Variants in TESK2 observed in about 807,000 individuals in gnomAD.
TESK2 encodes dual specificity testis-specific protein kinase 2.
Under a neutral mutation model 57.1 loss-of-function variants are expected in TESK2, and 39 were observed. The observed-to-expected ratio is 0.68, with a 90% CI of 0.53 to 0.89. The LOEUF (loss-of-function observed/expected upper bound fraction) is 0.89. TESK2 is among the 40% of genes least tolerant of loss of function. TESK2 has a pLI of 0.00. For synonymous variants in TESK2, 249 were observed against 267.9 expected, an observed-to-expected ratio of 0.93 and a Z score of 0.69; for missense variants, 646 against 732.1, an observed-to-expected ratio of 0.88 and a Z score of 1.36.
At chr1:45,472,881 T>C (rs1371525180) in intron 1 of TESK2, among the ~76,000 whole-genome samples, 1 of 150,670 alleles carries the variant, frequency 6.6e-6, no homozygotes, top group Non-Finnish European at 1.5e-5. Flanking sequence ...CTTACGCCTG[T>C]AATCCCAGCA....
chr1:45,398,728 T>C (rs977452284), intron 3 of TESK2: 2 of 235,404 alleles, frequency 8.5e-6, no homozygotes, highest in African/African-American at 4.5e-5. Flanking sequence ...CCTTTCCTCC[T>C]GAAGTAGATT....
rs755493467 is a variant in TESK2, at chr1:45,457,521, G to A, written c.222+43C>T. The stretch of plus-strand genomic sequence containing the variant: ...ACAACTATCAACCTGCAGTAAATGT[G>A]ACCACAGCAAGACAATATGAGAAAA... On this transcript the variant is annotated intron_variant, in intron 2 of 10. Coordinates refer to ENST00000372086, the MANE Select transcript of TESK2 (RefSeq NM_007170.3). 6 of 1,570,460 alleles carry A rather than the reference G, an allele frequency of 3.8e-6. No homozygotes were observed. The African/African-American group carries it at 5.4e-5, about 14-fold the overall frequency.
rs1653175375 is a variant in TESK2, at chr1:45,480,548, T to A, written c.-87+10304A>T. 1.3e-5 allele frequency among the ~76,000 whole-genome samples: 2 copies of A among 151,900 alleles called. 1 individual carries two copies. Among genetic ancestry groups the A allele is most frequent in the South Asian group, 4.2e-4 (2 of 4,818 alleles). On this transcript the variant is annotated intron_variant, in intron 1 of 10. Transcript: ENST00000372086. Reference sequence around the variant, plus strand: ...TAAAATGACACATTCAAAGGCCCTTTTTACAGCATTGTTTATAATATCAAA... The same window carrying A: ...TAAAATGACACATTCAAAGGCCCTTATTACAGCATTGTTTATAATATCAAA...
intron 1 of TESK2, among the ~76,000 whole-genome samples, chr1:45,476,274 G>A (rs571532939): frequency 2.0e-5 from 3 of 150,600 alleles, no homozygotes; most frequent in East Asian, 2.0e-4. Flanking sequence ...TGGGAGGCCC[G>A]AGGCAGGTGG....
At chr1:45,485,746 C>T (rs1019121672) in intron 1 of TESK2, among the ~76,000 whole-genome samples, 2 of 151,034 alleles carry the variant, frequency 1.3e-5, no homozygotes, top group Non-Finnish European at 2.9e-5. Context: ...GTCTCGAACT[C>T]CTGACCTCAA....
intron 4 of TESK2, among the ~76,000 whole-genome samples, chr1:45,382,839 G>C (rs1648718432): frequency 6.6e-6 from 1 of 152,086 alleles, no homozygotes; most frequent in African/African-American, 2.4e-5. Flanking sequence ...TTGCACTCCA[G>C]CCTGGGCAAC....
intron 3 of TESK2, among the ~76,000 whole-genome samples, chr1:45,402,191 AC>A (rs1342520756): frequency 6.6e-6 from 1 of 151,658 alleles, no homozygotes; most frequent in Non-Finnish European, 1.5e-5. Context: ...GGAGTTCAGG[AC>A]CAGTCTGGGC....
chr1:45,368,258 G>A (rs1648026047), intron 4 of TESK2, among the ~76,000 whole-genome samples: 1 of 151,762 alleles, frequency 6.6e-6, no homozygotes, highest in Admixed American at 6.6e-5. Flanking sequence ...GCCTCCCGAA[G>A]TGCTGGGATT....
At chr1:45,427,390 C>A (rs1221845670) in intron 2 of TESK2, among the ~76,000 whole-genome samples, 1 of 152,250 alleles carries the variant, frequency 6.6e-6, no homozygotes, top group Middle Eastern at 3.4e-3. Context: ...ACCATATGAT[C>A]CAGCAATCCC....
In TESK2 at chr1:45,354,976, GAGTTCAAGACCAGC is replaced by G. The variant is rs1647360737; in HGVS notation, c.540+313_540+326del. Among the ~76,000 whole-genome samples the G allele has an allele frequency of 2.6e-5, 4 of 151,514 alleles. No homozygotes were observed. The South Asian group carries it at 8.3e-4, about 32-fold the overall frequency. ...AGGCGGGTGGATTGTTTGCAGCCAG[GAGTTCAAGACCAGC>G]CTGGCCAATATGGCAAAATTCTGCC... On this transcript the variant is annotated intron_variant, in intron 5 of 10. Coordinates refer to ENST00000372086, the MANE Select transcript of TESK2 (RefSeq NM_007170.3).
chr1:45,456,099 G>C (rs530559441), intron 2 of TESK2, among the ~76,000 whole-genome samples: 4 of 151,992 alleles, frequency 2.6e-5, no homozygotes, highest in African/African-American at 9.6e-5. Flanking sequence ...AGGCTGAGGT[G>C]GGGGGATCAT....
At position 45,399,000 on chromosome 1, in the gene TESK2, A is replaced by C. The variant is rs762966118; in HGVS notation, c.345-13040T>G. ...TAGGACCTGAAAAAAAAAAAAAAAA[A>C]AAAAAAACAAGCCTTTAAGCCACTA... On this transcript the variant is annotated intron_variant, in intron 3 of 10. Coordinates refer to ENST00000372086, the MANE Select transcript of TESK2 (RefSeq NM_007170.3). The C allele has an allele frequency of 7.0e-4, 304 of 435,142 alleles. 2 individuals carry two copies. In the Middle Eastern group the frequency reaches 9.1e-3, roughly 13 times the overall value. 27.0% of individuals were successfully genotyped at this position (435,142 alleles called of 1,614,324 possible).
chr1:45,461,173 T>A (rs1285495179), intron 1 of TESK2, among the ~76,000 whole-genome samples: 2 of 144,126 alleles, frequency 1.4e-5, no homozygotes, highest in African/African-American at 2.6e-5. Flanking sequence ...TTTTTTTTTT[T>A]AAACATCAGG....
chr1:45,468,241 A>G (rs1005321139), intron 1 of TESK2, among the ~76,000 whole-genome samples: 1 of 152,110 alleles, frequency 6.6e-6, no homozygotes. Flanking sequence ...ACCCTATCAC[A>G]TGCTAAAGTA....
At chr1:45,410,648 G>A (rs148877233) in intron 3 of TESK2, among the ~76,000 whole-genome samples, 92 of 151,696 alleles carry the variant, frequency 6.1e-4, no homozygotes, top group East Asian at 5.6e-3. Flanking sequence ...CATTTATTCT[G>A]GAACACACTC....
chr1:45,469,941 C>G (rs572293603), intron 1 of TESK2, among the ~76,000 whole-genome samples: 1 of 152,266 alleles, frequency 6.6e-6, no homozygotes, highest in Non-Finnish European at 1.5e-5. Context: ...TATCTACCAA[C>G]AGGTAGCTGG....
chr1:45,389,120 AGAG>A (rs1649033652), intron 3 of TESK2, among the ~76,000 whole-genome samples: 1 of 152,140 alleles, frequency 6.6e-6, no homozygotes, highest in African/African-American at 2.4e-5. Flanking sequence ...TAGCTTTCTA[AGAG>A]GAGGAAGAGA....
At position 45,364,808 on chromosome 1, in the gene TESK2, C is replaced by T. The variant is rs74316402; in HGVS notation, c.394-9359G>A. On this transcript the variant is annotated intron_variant, in intron 4 of 10. Transcript: ENST00000372086. ...AGAAATAAGGAAAAAGAGTCAAAGACATCTCAGAGATTCCAAATTGAAAGG... is the reference window on the plus strand; with the variant it reads ...AGAAATAAGGAAAAAGAGTCAAAGATATCTCAGAGATTCCAAATTGAAAGG... 7.7e-4 allele frequency among the ~76,000 whole-genome samples: 117 copies of T among 152,302 alleles called. No individual in the cohort carries two copies. The East Asian group carries it at 0.014, about 18-fold the overall frequency.
chr1:45,345,805 TA>T, intron 10 of TESK2, 71 bp downstream of exon 10: 1 of 1,279,954 alleles, frequency 7.8e-7, no homozygotes, highest in Non-Finnish European at 1.1e-6. Context: ...ATCACAACCC[TA>T]AGAGGAGAAG....
Sources: gnomAD v4.1 joint callset for allele counts (sites outside exome capture counted in the v4.1 genomes callset) on GRCh38, gnomAD v4.1.1 for gene constraint, MANE v1.5 for transcripts, NCBI Gene and HGNC (gene_info 2026-07-23, HGNC 2026-07-21) for gene names.